Variants in MYO1H observed in about 807,000 individuals in gnomAD.
The protein encoded by MYO1H is unconventional myosin-Ih.
Under a neutral mutation model 149.3 loss-of-function variants are expected in MYO1H, and 118 were observed. That is an observed-to-expected ratio of 0.79 (90% CI 0.68 to 0.92). MYO1H has a LOEUF of 0.92. Ranked by LOEUF, MYO1H falls within the 40% of genes least tolerant of loss-of-function variation. MYO1H has a pLI of 0.00. For synonymous variants in MYO1H, 447 were observed against 465.2 expected, an observed-to-expected ratio of 0.96 and a Z score of 0.50; for missense variants, 1,212 against 1,280.7, an observed-to-expected ratio of 0.95 and a Z score of 0.82.
At chr12:109,430,649 C>A (rs1871571215) in intron 19 of MYO1H, among the ~76,000 whole-genome samples, 1 of 152,220 alleles carries the variant, frequency 6.6e-6, no homozygotes, top group Non-Finnish European at 1.5e-5. Flanking sequence ...ATATTTTTCA[C>A]TGGACATGGT....
At chr12:109,366,443 T>A (rs996230900) in intron 1 of MYO1H, among the ~76,000 whole-genome samples, 1 of 152,170 alleles carries the variant, frequency 6.6e-6, no homozygotes, top group Non-Finnish European at 1.5e-5. Context: ...TCAGTACCCC[T>A]CAAGGCTAAC....
At chr12:109,400,945 A>G in intron 5 of MYO1H, 148 bp from the exon 6 acceptor site, 1 of 708,162 alleles carries the variant, frequency 1.4e-6, no homozygotes. Flanking sequence ...GGAAATACTA[A>G]TGACAGAAGA....
At chr12:109,438,836 G>A (rs1054280133) in intron 23 of MYO1H, among the ~76,000 whole-genome samples, 3 of 152,226 alleles carry the variant, frequency 2.0e-5, no homozygotes, top group African/African-American at 4.8e-5. Context: ...CTCTTAGCCT[G>A]GCTCAAAAGT....
rs1870579433 is a variant in MYO1H at position 109,409,659 on chromosome 12, G to A, written c.1223+35G>A. The A allele has an allele frequency of 1.9e-6, 3 of 1,541,018 alleles. No individual in the cohort carries two copies. In the South Asian group the frequency reaches 3.4e-5, roughly 17 times the overall value. On this transcript the variant is annotated intron_variant, in intron 11 of 31. Transcript: ENST00000310903. ...GTCATTACCTACCTATCTGTCTTTT[G>A]CCCTTTTTTAAGATTTCAGTCGAGA...
At chr12:109,437,730 A>G (rs1487128557) in intron 22 of MYO1H, among the ~76,000 whole-genome samples, 1 of 152,152 alleles carries the variant, frequency 6.6e-6, no homozygotes, top group East Asian at 1.9e-4. Context: ...TGTCTTTGTA[A>G]TAGAAACAAT....
upstream of MYO1H, among the ~76,000 whole-genome samples, chr12:109,344,059 A>G (rs1013806862): frequency 1.3e-5 from 2 of 152,178 alleles, no homozygotes; most frequent in Non-Finnish European, 2.9e-5. Context: ...TGAGGAGTAC[A>G]AAGCAGGCAT....
intron 10 of MYO1H, among the ~76,000 whole-genome samples, chr12:109,408,920 G>A (rs1233029302): frequency 3.9e-5 from 6 of 152,074 alleles, no homozygotes; most frequent in Non-Finnish European, 7.4e-5. Context: ...CTCCCAAGTA[G>A]TGGGATTACA....
At chr12:109,429,709 G>C (rs1003860534) in intron 19 of MYO1H, among the ~76,000 whole-genome samples, 2 of 152,182 alleles carry the variant, frequency 1.3e-5, no homozygotes, top group African/African-American at 4.8e-5. Context: ...TTGAAGAAAA[G>C]TGAATCCAGG....
At chr12:109,442,167 C>T (rs78063180) in intron 26 of MYO1H, 50 bp from the exon 27 acceptor site, 106,707 of 1,521,970 alleles carry the variant, frequency 0.07, 4,312 homozygotes, top group Middle Eastern at 0.086. Context: ...GACTTTTCCA[C>T]AGGATTGGTA....
exon 3 of MYO1H, chr12:109,393,371 A>G: frequency 6.3e-7 from 1 of 1,586,842 alleles, no homozygotes; most frequent in Non-Finnish European, 8.6e-7. Flanking sequence ...AATCCATACC[A>G]GGAGCTCGGA....
chr12:109,330,719 A>G, the MYO1H span, among the ~76,000 whole-genome samples: 1 of 152,220 alleles, frequency 6.6e-6, no homozygotes, highest in Non-Finnish European at 1.5e-5. Flanking sequence ...AGAACGAAAC[A>G]CCACCCAGTT....
At chr12:109,368,760 T>C (rs993116416) in intron 1 of MYO1H, among the ~76,000 whole-genome samples, 5 of 152,098 alleles carry the variant, frequency 3.3e-5, no homozygotes, top group African/African-American at 1.2e-4. Flanking sequence ...TACCTGGGTT[T>C]ATTGTGTGAT....
chr12:109,344,909 C>T (rs749923339), upstream of MYO1H, among the ~76,000 whole-genome samples: 53 of 152,178 alleles, frequency 3.5e-4, no homozygotes, highest in African/African-American at 1.2e-3. Flanking sequence ...GATGCTGGAG[C>T]GACATGCCAC....
intron 1 of MYO1H, among the ~76,000 whole-genome samples, chr12:109,354,795 G>GA (rs953974252): frequency 2.0e-5 from 3 of 152,056 alleles, no homozygotes; most frequent in Non-Finnish European, 4.4e-5. Context: ...AATTGGGACA[G>GA]AAAAAAATAT....
intron 1 of MYO1H, among the ~76,000 whole-genome samples, chr12:109,371,625 A>G (rs1164281807): frequency 1.3e-5 from 2 of 152,166 alleles, no homozygotes; most frequent in African/African-American, 2.4e-5. Flanking sequence ...CTATTGATGG[A>G]TATTGAGGTT....
chr12:109,443,250 G>A (rs113415374), intron 27 of MYO1H, among the ~76,000 whole-genome samples: 4,577 of 129,264 alleles, frequency 0.035, 720 homozygotes, highest in Non-Finnish European at 0.039. Flanking sequence ...ATATGTGTGT[G>A]TATATGTGTA....
At chr12:109,375,475 T>C (rs1869069787) in intron 1 of MYO1H, among the ~76,000 whole-genome samples, 1 of 152,210 alleles carries the variant, frequency 6.6e-6, no homozygotes, top group South Asian at 2.1e-4. Flanking sequence ...TTATATAAAA[T>C]GCCTGTTTGC....
At chr12:109,407,728 C>G in intron 9 of MYO1H, 66 bp from the exon 10 acceptor site, 7 of 1,477,428 alleles carry the variant, frequency 4.7e-6, no homozygotes, top group Non-Finnish European at 6.3e-6. Flanking sequence ...AGAAAAAAGA[C>G]TTCTTTGAAC....
chr12:109,338,095 G>C, the MYO1H span, among the ~76,000 whole-genome samples: 1 of 152,146 alleles, frequency 6.6e-6, no homozygotes, highest in African/African-American at 2.4e-5. Flanking sequence ...TTTCGAGACG[G>C]TCTTGTTCTG....
Sources: gnomAD v4.1 joint callset for allele counts (sites outside exome capture counted in the v4.1 genomes callset) on GRCh38, gnomAD v4.1.1 for gene constraint, MANE v1.5 for transcripts, NCBI Gene and HGNC (gene_info 2026-07-23, HGNC 2026-07-21) for gene names.